The following G2E3 variants were observed in gnomAD, a reference collection of about 807,000 sequenced individuals.
G2E3 encodes the protein G2/M-phase specific E3 ubiquitin protein ligase.
In G2E3, 35 loss-of-function variants were observed where a neutral mutation model predicts 92.8. The ratio of observed to expected loss-of-function variants is 0.38; its 90% CI spans 0.29 to 0.50. G2E3 has a LOEUF of 0.50. Among genes scored for constraint, G2E3 ranks in the 20% least tolerant of loss-of-function variants. G2E3 has a pLI of 0.94. For synonymous variants in G2E3, 242 were observed against 272.4 expected (o/e 0.89, Z 1.10); for missense variants, 554 against 823.8 (o/e 0.67, Z 4.01).
At position 30,601,873 on chromosome 14, in the gene G2E3, A is replaced by G. The variant is rs1194258754; in HGVS notation, c.856A>G (p.Arg286Gly). The G allele has an allele frequency of 6.2e-7, 1 of 1,613,446 alleles. No homozygotes were observed. The highest frequency in any genetic ancestry group is 8.5e-7 in the Non-Finnish European group (1 of 1,179,482). Reference sequence around the variant, plus strand: ...GCAAAATTGGGAGTGTTTGGAATGTAGGGGTATTATCTACAATTCAGGTAA... The same window carrying G: ...GCAAAATTGGGAGTGTTTGGAATGTGGGGGTATTATCTACAATTCAGGTAA... The part of the protein sequence containing the change: ...WEQNWECLEC[R>G]GIIYNSGEFQ... Residue 286 changes from arginine to glycine, a missense_variant, in exon 9 of 15, where the codon AGG becomes GGG. By Grantham distance (125) the Arg-to-Gly change is moderately radical. Around this residue, in one of 3 missense-constraint regions of G2E3, gnomAD observed 397 missense variants for 560.3 expected, o/e 0.71. Transcript: ENST00000206595.
chr14:30,594,818 G>A (rs1331823304), intron 6 of G2E3, among the ~76,000 whole-genome samples: 1 of 148,798 alleles, frequency 6.7e-6, no homozygotes. Flanking sequence ...TTTATACTTA[G>A]GATTATTCAG....
chr14:30,614,268 T>C (rs1882217619), intron 13 of G2E3, among the ~76,000 whole-genome samples: 1 of 152,226 alleles, frequency 6.6e-6, no homozygotes, highest in Admixed American at 6.5e-5. Flanking sequence ...CATTTTATGC[T>C]GCTATAACAA....
intron 1 of G2E3, among the ~76,000 whole-genome samples, chr14:30,580,205 T>C (rs564051227): frequency 4.6e-5 from 7 of 152,158 alleles, no homozygotes; most frequent in African/African-American, 1.7e-4. Flanking sequence ...TGTTTTTGTT[T>C]TTTTTTGTTG....
intron 13 of G2E3, 98 bp from the exon 14 acceptor site, chr14:30,615,251 G>T (rs1276188496): frequency 1.6e-6 from 1 of 614,004 alleles, no homozygotes; most frequent in East Asian, 2.9e-5. Flanking sequence ...ATCATTAGCT[G>T]TTTTGAAAAC....
intron 6 of G2E3, among the ~76,000 whole-genome samples, chr14:30,594,947 G>A (rs1881205276): frequency 6.6e-6 from 1 of 151,266 alleles, no homozygotes; most frequent in African/African-American, 2.4e-5. Context: ...TGGCCAACAT[G>A]GTGAAACCCT....
intron 13 of G2E3, 150 bp from the exon 14 acceptor site, chr14:30,615,199 T>TA (rs1368040780): frequency 1.9e-6 from 1 of 521,048 alleles, no homozygotes; most frequent in Non-Finnish European, 3.4e-6. Flanking sequence ...CATCTGAAAA[T>TA]ATGATTGTCT....
At chr14:30,603,338 AAAAG>A (rs1881670033) in intron 10 of G2E3, among the ~76,000 whole-genome samples, 1 of 152,060 alleles carries the variant, frequency 6.6e-6, no homozygotes, top group South Asian at 2.1e-4. Context: ...AAAAAAAAAA[AAAAG>A]GTAGCAAAAT....
At chr14:30,597,620 C>A in intron 7 of G2E3, 94 bp downstream of exon 7, 1 of 742,928 alleles carries the variant, frequency 1.3e-6, no homozygotes, top group Admixed American at 2.2e-5. Flanking sequence ...ATTCAGTGAG[C>A]ATGGACAGGT....
intron 1 of G2E3, among the ~76,000 whole-genome samples, chr14:30,577,455 G>A (rs1880181239): frequency 6.6e-6 from 1 of 152,150 alleles, no homozygotes; most frequent in Non-Finnish European, 1.5e-5. Flanking sequence ...TTAGCTGTGT[G>A]GTTCTGGCTT....
chr14:30,581,522 C>T (rs2138819408), intron 2 of G2E3, among the ~76,000 whole-genome samples: 1 of 152,276 alleles, frequency 6.6e-6, no homozygotes, highest in East Asian at 1.9e-4. Context: ...GCCTGGCCAA[C>T]ATGACAAAAC....
rs1057307445 is a variant in G2E3, at chr14:30,598,630, G to A, written c.752+31G>A. ...TCTGAAAGTTCAGTTGTGCTTAGTG[G>A]TTCCTTGTTTAAACCTTCTGCTGAG... is the stretch of plus-strand genomic sequence containing the variant. On this transcript the variant is annotated intron_variant, in intron 8 of 14. Transcript: ENST00000206595. The A allele has an allele frequency of 7.5e-6, 10 of 1,336,286 alleles. No homozygotes were observed. In the African/African-American group the frequency reaches 1.3e-4, roughly 17 times the overall value. 82.8% of individuals were successfully genotyped at this position (1,336,286 alleles called of 1,614,324 possible). A position where few individuals can be genotyped will look rare whatever the true frequency, so the allele number is the denominator to read the frequency against.
At position 30,602,076 on chromosome 14, in the gene G2E3, T is replaced by A. The variant is rs1233025734; in HGVS notation, c.955T>A (p.Ser319Thr). Residue 319 changes from serine (S) to threonine (T), a missense_variant, in exon 10 of 15, where the codon TCA (serine) becomes ACA (threonine). Ser to Thr is a moderately conservative substitution (Grantham distance 58, BLOSUM62 1). Coordinates refer to ENST00000206595, the MANE Select transcript of G2E3 (RefSeq NM_017769.5). ...VGITDCLLEE[S>T]SPKLPRQSPG... The stretch of plus-strand genomic sequence containing the variant: ...GATTACAGATTGTTTGTTGGAAGAG[T>A]CATCACCTAAATTACCCAGACAGTC... 1.2e-6 allele frequency: 2 copies of A among 1,610,998 alleles called. No individual in the cohort carries two copies. Among genetic ancestry groups the A allele is most frequent in the Admixed American group, 3.3e-5 (2 of 59,964 alleles).
At chr14:30,611,098 T>C (rs766524152) in intron 12 of G2E3, among the ~76,000 whole-genome samples, 5 of 152,222 alleles carry the variant, frequency 3.3e-5, no homozygotes, top group Non-Finnish European at 7.3e-5. Flanking sequence ...ATCCACATGG[T>C]TGAAGCTTGC....
intron 12 of G2E3, among the ~76,000 whole-genome samples, chr14:30,610,755 T>A (rs1435043667): frequency 6.6e-6 from 1 of 152,210 alleles, no homozygotes; most frequent in East Asian, 1.9e-4. Flanking sequence ...AAGGCAGATG[T>A]TTACTGTTCT....
intron 14 of G2E3, 102 bp downstream of exon 14, chr14:30,615,641 A>T: frequency 1.6e-6 from 1 of 621,394 alleles, no homozygotes; most frequent in Non-Finnish European, 2.7e-6. Context: ...TGGTATTAAT[A>T]TTAAGATGCT....
At position 30,604,872 on chromosome 14, in the gene G2E3, CTTCATTCA is replaced by C. The variant is rs138039664; in HGVS notation, c.1011-602_1011-595del. 2.5e-3 allele frequency among the ~76,000 whole-genome samples: 367 copies of C among 147,252 alleles called. 2 individuals are homozygous for C. Among genetic ancestry groups the C allele is most frequent in the South Asian group, 2.7e-3 (13 of 4,728 alleles). On this transcript the variant is annotated intron_variant, in intron 10 of 14. Transcript: ENST00000206595. ...CCAGGAAGGTGAGAGTTTGAGCTTG[CTTCATTCA>C]TTCATTCATTCATTCATTCATTCAT...
At position 30,607,932 on chromosome 14, in the gene G2E3, A is replaced by G. The variant is rs1881907952; in HGVS notation, c.1363A>G (p.Ile455Val). The G allele has an allele frequency of 6.2e-7, 1 of 1,609,020 alleles. No individual in the cohort carries two copies. Among genetic ancestry groups the G allele is most frequent in the Non-Finnish European group, 8.5e-7 (1 of 1,177,408 alleles). ...LYYEAGKMLA[I>V]SLVHGGPSPG... ...CTATGAAGCTGGCAAAATGCTTGCCATTTCTTTAGTTCACGGTGGTCCTTC... is the reference window on the plus strand; with the variant it reads ...CTATGAAGCTGGCAAAATGCTTGCCGTTTCTTTAGTTCACGGTGGTCCTTC... The change falls in exon 12 of 15, where the codon ATT (isoleucine) becomes GTT (valine). Residue 455 changes from isoleucine to valine, a missense_variant. By Grantham distance (29) the Ile-to-Val change is conservative (BLOSUM62 3). This residue lies in a region of G2E3 where 397 missense variants were observed against 560.3 expected (regional missense o/e 0.71). Coordinates refer to ENST00000206595, the MANE Select transcript of G2E3 (RefSeq NM_017769.5).
chr14:30,620,012 A>C lies in G2E3; in HGVS notation c.*3478A>C, dbSNP rs112708495. The C allele has an allele frequency of 6.6e-6, 1 of 152,236 alleles. No individual in the cohort carries two copies. The highest frequency in any genetic ancestry group is 1.5e-5 in the Non-Finnish European group (1 of 68,034). 9.4% of individuals were successfully genotyped at this position (152,236 alleles called of 1,614,324 possible). On this transcript the variant is annotated 3_prime_UTR_variant, in exon 15 of 15. Coordinates refer to ENST00000206595, the MANE Select transcript of G2E3 (RefSeq NM_017769.5). The stretch of plus-strand genomic sequence containing the variant: ...AAATGAGGGAATCTGTGTTAAAACT[A>C]TGTATCCTCTAATGTAAAATAGCTT...
At chr14:30,591,776 G>T (rs76227544) in intron 4 of G2E3, among the ~76,000 whole-genome samples, 28 of 152,246 alleles carry the variant, frequency 1.8e-4, no homozygotes, top group Admixed American at 1.8e-3. Context: ...TGCAAAGACC[G>T]TATTTCCAAG....
Sources: allele counts gnomAD v4.1 joint callset (sites outside exome capture counted in the v4.1 genomes callset), GRCh38; gene constraint gnomAD v4.1.1; regional missense constraint gnomAD v4.1.1; transcripts MANE v1.5; gene names NCBI Gene and HGNC (gene_info 2026-07-23, HGNC 2026-07-21).